The following GMDS variants were observed in gnomAD, a reference collection of about 807,000 sequenced individuals.
GMDS encodes the protein GDP-mannose 4,6-dehydratase, also known as GDP-mannose 4,6 dehydratase.
GMDS carries 20 observed loss-of-function variants against 49.9 expected under a neutral mutation model. That is an observed-to-expected ratio of 0.40 (90% confidence interval 0.28 to 0.58). The LOEUF is 0.58. Among genes scored for constraint, GMDS ranks in the 20% least tolerant of loss-of-function variants. The pLI is 0.42. For synonymous variants in GMDS, 177 were observed against 178.6 expected (o/e 0.99, Z 0.07); for missense variants, 362 against 481.4 (o/e 0.75, Z 2.32).
intron 9 of GMDS, among the ~76,000 whole-genome samples, chr6:1,691,213 C>T (rs1235437738): frequency 6.6e-6 from 1 of 152,112 alleles, no homozygotes; most frequent in Admixed American, 6.5e-5. Flanking sequence ...TTTGCAGGGA[C>T]ATCGATGAAG....
chr6:1,711,084 C>T (rs1412418771), intron 9 of GMDS, among the ~76,000 whole-genome samples: 1 of 152,252 alleles, frequency 6.6e-6, no homozygotes, highest in African/African-American at 2.4e-5. Context: ...CCTACAACTA[C>T]ATACATGATG....
chr6:2,140,209 C>A, intron 1 of GMDS, among the ~76,000 whole-genome samples: 1 of 151,928 alleles, frequency 6.6e-6, no homozygotes, highest in South Asian at 2.1e-4. Flanking sequence ...AGCATAATCG[C>A]GAGAGTCCTT....
intron 7 of GMDS, among the ~76,000 whole-genome samples, chr6:1,895,838 G>C (rs985948675): frequency 9.2e-5 from 14 of 152,200 alleles, no homozygotes; most frequent in African/African-American, 3.1e-4. Context: ...GACAGATCCA[G>C]AGCTGACCTA....
chr6:2,236,785 G>T (rs1238082009), intron 1 of GMDS, among the ~76,000 whole-genome samples: 1 of 152,122 alleles, frequency 6.6e-6, no homozygotes, highest in Non-Finnish European at 1.5e-5. Context: ...TTTTCACTCA[G>T]CATTAAGGAA....
At chr6:1,914,131 G>GT (rs563808537) in intron 7 of GMDS, among the ~76,000 whole-genome samples, 22,972 of 77,240 alleles carry the variant, frequency 0.3, 4,106 homozygotes, top group Non-Finnish European at 0.32. Flanking sequence ...TTTTTTGTTT[G>GT]TTTTTTTTTT....
At chr6:1,944,573 G>A (rs1762977970) in intron 6 of GMDS, among the ~76,000 whole-genome samples, 1 of 151,690 alleles carries the variant, frequency 6.6e-6, no homozygotes, top group Admixed American at 6.6e-5. Flanking sequence ...GGGAGGCTGA[G>A]GCAGGAGAAT....
intron 7 of GMDS, among the ~76,000 whole-genome samples, chr6:1,847,497 C>T (rs550438226): frequency 1.1e-4 from 17 of 152,170 alleles, no homozygotes; most frequent in Admixed American, 7.2e-4. Context: ...ATACCATCAC[C>T]TCAGTGGACA....
At chr6:1,871,058 GCACACA>G (rs3839602) in intron 7 of GMDS, among the ~76,000 whole-genome samples, 7 of 147,110 alleles carry the variant, frequency 4.8e-5, no homozygotes, top group Non-Finnish European at 3.0e-5. Context: ...CTATCCCCCA[GCACACA>G]CACACACACA....
intron 1 of GMDS, among the ~76,000 whole-genome samples, chr6:2,130,136 T>C (rs1314280729): frequency 1.3e-5 from 2 of 152,110 alleles, no homozygotes; most frequent in African/African-American, 2.4e-5. Flanking sequence ...ATGACTACAA[T>C]TGAGAACCCG....
intron 7 of GMDS, among the ~76,000 whole-genome samples, chr6:1,904,706 A>G (rs770903762): frequency 3.3e-5 from 5 of 152,180 alleles, no homozygotes; most frequent in Admixed American, 6.5e-5. Context: ...GTTAGGGCTC[A>G]GGGTGGTGCC....
chr6:1,809,772 A>C (rs1770337823), intron 7 of GMDS, among the ~76,000 whole-genome samples: 1 of 152,208 alleles, frequency 6.6e-6, no homozygotes, highest in Admixed American at 6.5e-5. Context: ...TTGGTATAAA[A>C]GAAAAGAGAA....
intron 6 of GMDS, among the ~76,000 whole-genome samples, chr6:1,940,763 T>C (rs1048559564): frequency 1.3e-5 from 2 of 152,268 alleles, no homozygotes; most frequent in African/African-American, 2.4e-5. Context: ...TTGCTATTTG[T>C]ATCAAATGTT....
chr6:2,048,016 TA>T (rs1770131281), intron 4 of GMDS, among the ~76,000 whole-genome samples: 1 of 152,156 alleles, frequency 6.6e-6, no homozygotes, highest in Admixed American at 6.5e-5. Flanking sequence ...GTAACAGCAC[TA>T]AAAAATGTAT....
rs3823281 is a variant in GMDS at position 1,915,519 on chromosome 6, C to T, written c.771+14584G>A. 0.012 allele frequency among the ~76,000 whole-genome samples: 1,856 copies of T among 152,274 alleles called. 101 individuals are homozygous for T. In the East Asian group the frequency reaches 0.2, roughly 17 times the overall value. The stretch of plus-strand genomic sequence containing the variant: ...AGGACGCTGGGGCCCTGCCCAAGGC[C>T]GAGAATGCATGCTCCAGACAGCGGC... On this transcript the variant is annotated intron_variant, in intron 7 of 10. Coordinates refer to ENST00000380815, the MANE Select transcript of GMDS (RefSeq NM_001500.4).
intron 1 of GMDS, among the ~76,000 whole-genome samples, chr6:2,187,938 T>C (rs1778851252): frequency 6.6e-6 from 1 of 152,194 alleles, no homozygotes; most frequent in Admixed American, 6.5e-5. Flanking sequence ...GGAAACAATA[T>C]CCACAAGTAA....
intron 8 of GMDS, among the ~76,000 whole-genome samples, chr6:1,736,224 C>T (rs775252631): frequency 1.3e-5 from 2 of 152,088 alleles, no homozygotes; most frequent in Non-Finnish European, 2.9e-5. Flanking sequence ...TACAACATCA[C>T]CTTATGTTGT....
intron 5 of GMDS, among the ~76,000 whole-genome samples, chr6:1,960,333 T>C (rs1243178545): frequency 1.3e-5 from 2 of 152,096 alleles, no homozygotes; most frequent in Admixed American, 6.6e-5. Context: ...CTGAAGTCTT[T>C]CATTAATATT....
intron 8 of GMDS, among the ~76,000 whole-genome samples, chr6:1,738,719 A>G (rs1256625189): frequency 1.3e-5 from 2 of 152,232 alleles, no homozygotes; most frequent in Non-Finnish European, 2.9e-5. Flanking sequence ...ATGAGACTAG[A>G]GAGCTTGGCT....
chr6:2,043,913 C>T (rs1317852600), intron 4 of GMDS, among the ~76,000 whole-genome samples: 1 of 151,714 alleles, frequency 6.6e-6, no homozygotes, highest in East Asian at 1.9e-4. Flanking sequence ...AGGACATGAA[C>T]AGACACTTTA....
Sources: gnomAD v4.1 joint callset for allele counts (sites outside exome capture counted in the v4.1 genomes callset) on GRCh38, gnomAD v4.1.1 for gene constraint, MANE v1.5 for transcripts, NCBI Gene and HGNC (gene_info 2026-07-23, HGNC 2026-07-21) for gene names.